Variants in NSMCE3 observed in about 807,000 individuals in gnomAD.
The protein encoded by NSMCE3 is non-structural maintenance of chromosomes element 3 homolog.
For missense variants in NSMCE3, 452 were observed against 399.5 expected (o/e 1.13, Z -1.12); for synonymous variants, 214 against 172.2 (o/e 1.24, Z -1.90).
rs2043546923 is a variant in NSMCE3 at position 29,269,109 on chromosome 15, C to G, written c.597G>C (p.Trp199Cys). ...KGNTIKETEA[W>C]DFLRRLGVYP... ...AGACCCCTAAGCGCCGCAGAAAGTC[C>G]CAGGCTTCAGTTTCCTTGATGGTGT... The change falls in exon 1 of 1, where the codon TGG becomes TGC. Residue 199 changes from tryptophan (W) to cysteine (C), a missense_variant. Physicochemically the swap from Trp to Cys is radical, Grantham distance 215. Coordinates refer to ENST00000332303, the MANE Select transcript of NSMCE3 (RefSeq NM_138704.4). 9.3e-6 allele frequency: 15 copies of G among 1,614,062 alleles called. No homozygotes were observed. The highest frequency in any genetic ancestry group is 1.3e-5 in the Non-Finnish European group (15 of 1,180,008).
Position 29,269,563 on chromosome 15 carries a change from G to T in NSMCE3, c.143C>A (p.Pro48Gln), listed in dbSNP as rs745425573. The change falls in exon 1 of 1, where the codon CCG (proline) becomes CAG (glutamine). Residue 48 changes from proline to glutamine, a missense_variant. Pro to Gln is a moderately conservative substitution (Grantham distance 76). Transcript: ENST00000332303. ...VLRDGFAEEA[P>Q]STSRGPGGSQ... ...GCCGCCCGGCCCGCGGGACGTGCTCGGGGCCTCCTCGGCAAAGCCGTCTCT... is the reference window on the plus strand; with the variant it reads ...GCCGCCCGGCCCGCGGGACGTGCTCTGGGCCTCCTCGGCAAAGCCGTCTCT... The T allele has an allele frequency of 6.6e-7, 1 of 1,526,400 alleles. No homozygotes were observed. Among genetic ancestry groups the T allele is most frequent in the African/African-American group, 1.4e-5 (1 of 69,242 alleles). 94.6% of individuals were successfully genotyped at this position (1,526,400 alleles called of 1,614,324 possible). A position where few individuals can be genotyped will look rare whatever the true frequency, so the allele number is the denominator to read the frequency against.
chr15:29,269,812 C>A lies in NSMCE3; in HGVS notation c.-107G>T. Reference sequence around the variant, plus strand: ...CGGTGCCTGGAGGCGCGCGCAGTGTCGGCTGAGACTGCGTGCTGCGTCATG... The same window carrying A: ...CGGTGCCTGGAGGCGCGCGCAGTGTAGGCTGAGACTGCGTGCTGCGTCATG... On this transcript the variant is annotated 5_prime_UTR_variant, in exon 1 of 1. Transcript: ENST00000332303. 1 of 1,077,168 alleles carries A rather than the reference C, an allele frequency of 9.3e-7. No homozygotes were observed. 66.7% of individuals were successfully genotyped at this position (1,077,168 alleles called of 1,614,324 possible).
In NSMCE3 at chr15:29,265,620, C is replaced by T. The variant is rs1053349766; in HGVS notation, c.*3171G>A. On this transcript the variant is annotated 3_prime_UTR_variant, in exon 1 of 1. Coordinates refer to ENST00000332303, the MANE Select transcript of NSMCE3 (RefSeq NM_138704.4). ...TGCCAATGCACTCCAGCCTGGGCGA[C>T]AAGAGCAAGACTCCGTCTCAAAAAG... 1 of 152,270 alleles carries T rather than the reference C, an allele frequency of 6.6e-6. No homozygotes were observed. Among genetic ancestry groups the T allele is most frequent in the East Asian group, 1.9e-4 (1 of 5,182 alleles). 9.4% of individuals were successfully genotyped at this position (152,270 alleles called of 1,614,324 possible).
Position 29,268,060 on chromosome 15 carries a change from T to A in NSMCE3, c.*731A>T, listed in dbSNP as rs371703416. On this transcript the variant is annotated 3_prime_UTR_variant, in exon 1 of 1. Transcript: ENST00000332303. ...GTGAAACAACTTCTACAAAACAGCATTGACCTTAATATGTAGCAAAAACTT... is the reference window on the plus strand; with the variant it reads ...GTGAAACAACTTCTACAAAACAGCAATGACCTTAATATGTAGCAAAAACTT... 1 of 152,216 alleles carries A rather than the reference T, an allele frequency of 6.6e-6. No homozygotes were observed. Among genetic ancestry groups the A allele is most frequent in the Non-Finnish European group, 1.5e-5 (1 of 68,044 alleles). The allele number at this position is 152,216 out of a possible 1,614,324, so 9.4% of individuals were successfully genotyped here. A position where few individuals can be genotyped will look rare whatever the true frequency, so the allele number is the denominator to read the frequency against.
At position 29,269,757 on chromosome 15, in the gene NSMCE3, G is replaced by T. The variant is rs745893761; in HGVS notation, c.-52C>A. 1.4e-5 allele frequency: 20 copies of T among 1,408,774 alleles called. No individual in the cohort carries two copies. Among genetic ancestry groups the T allele is most frequent in the Non-Finnish European group, 1.6e-5 (17 of 1,084,630 alleles). 87.3% of individuals were successfully genotyped at this position (1,408,774 alleles called of 1,614,324 possible). ...ACTCCGGTAGGCAAGCAGCCGCGGC[G>T]GGGATTGCGGGTCGGCGACCCGCTA... is the stretch of plus-strand genomic sequence containing the variant. On this transcript the variant is annotated 5_prime_UTR_variant, in exon 1 of 1. Coordinates refer to ENST00000332303, the MANE Select transcript of NSMCE3 (RefSeq NM_138704.4).
chr15:29,269,036 T>C lies in NSMCE3; in HGVS notation c.670A>G (p.Thr224Ala). Residue 224 changes from threonine to alanine, a missense_variant, in exon 1 of 1, where the codon ACT becomes GCT. By Grantham distance (58) the Thr-to-Ala change is moderately conservative. Transcript: ENST00000332303. ...TAACGCTGTCGCACAAAGTCCTCAG[T>C]AATGAGTTTCTTTGGATCTCCGAAA... is the stretch of plus-strand genomic sequence containing the variant. ...LIFGDPKKLITEDFVRQRYLE... is the reference protein window; with the variant it reads ...LIFGDPKKLIAEDFVRQRYLE... 6.2e-7 allele frequency: 1 copy of C among 1,614,136 alleles called. No individual in the cohort carries two copies. The highest frequency in any genetic ancestry group is 8.5e-7 in the Non-Finnish European group (1 of 1,180,038).
In NSMCE3 at chr15:29,269,720, G is replaced by A. The variant is rs1193910546; in HGVS notation, c.-15C>T. The A allele has an allele frequency of 1.3e-6, 2 of 1,506,532 alleles. No homozygotes were observed. Among genetic ancestry groups the A allele is most frequent in the South Asian group, 1.3e-5 (1 of 76,546 alleles). 93.3% of individuals were successfully genotyped at this position (1,506,532 alleles called of 1,614,324 possible). ...TTTTGCAACATGTCTCCGGCGGCAG[G>A]TGCCGGCGCACACTCCGGTAGGCAA... On this transcript the variant is annotated 5_prime_UTR_variant, in exon 1 of 1. Transcript: ENST00000332303.
rs2043541977 is a variant in NSMCE3 at position 29,268,946 on chromosome 15, T to A, written c.760A>T (p.Thr254Ser). 3.7e-6 allele frequency: 6 copies of A among 1,614,106 alleles called. No homozygotes were observed. Among genetic ancestry groups the A allele is most frequent in the Non-Finnish European group, 8.5e-7 (1 of 1,180,054 alleles). ...VDYEFQWGPR[T>S]NLETSKMKVL... ...TTCATCTTGCTGGTTTCCAGGTTGG[T>A]TCGCGGGCCCCACTGGAATTCGTAG... is the stretch of plus-strand genomic sequence containing the variant. The change falls in exon 1 of 1, where the codon ACC (threonine) becomes TCC (serine). Residue 254 changes from threonine (T) to serine (S), a missense_variant. Physicochemically the swap from Thr to Ser is moderately conservative, Grantham distance 58. Coordinates refer to ENST00000332303, the MANE Select transcript of NSMCE3 (RefSeq NM_138704.4).
At position 29,269,378 on chromosome 15, in the gene NSMCE3, C is replaced by T. The variant is rs2043556673; in HGVS notation, c.328G>A (p.Asp110Asn). The T allele has an allele frequency of 1.2e-6, 2 of 1,614,192 alleles. No individual in the cohort carries two copies. The change falls in exon 1 of 1, where the codon GAC becomes AAC. Residue 110 changes from aspartate to asparagine, a missense_variant. Physicochemically the swap from Asp to Asn is conservative, Grantham distance 23. Transcript: ENST00000332303. ...DQKKIPIKRA[D>N]ILKHVIGDYK... Reference sequence around the variant, plus strand: ...TCCCCGATGACGTGCTTCAGTATGTCGGCCCGCTTGATCGGAATCTTCTTC... The same window carrying T: ...TCCCCGATGACGTGCTTCAGTATGTTGGCCCGCTTGATCGGAATCTTCTTC...
rs1236209054 is a variant in NSMCE3 at position 29,266,308 on chromosome 15, AGGTGGAGGGATT to A, written c.*2471_*2482del. On this transcript the variant is annotated 3_prime_UTR_variant, in exon 1 of 1. Transcript: ENST00000332303. ...AAGGCCAAGTGTTCACAGGGGGTGA[AGGTGGAGGGATT>A]GGTAAACAAAAACAAAACAAAACTG... 4.6e-5 allele frequency: 7 copies of A among 152,238 alleles called. No homozygotes were observed. The highest frequency in any genetic ancestry group is 1.0e-4 in the Non-Finnish European group (7 of 68,046). The allele number at this position is 152,238 out of a possible 1,614,324, so 9.4% of individuals were successfully genotyped here.
chr15:29,266,206 G>A lies in NSMCE3; in HGVS notation c.*2585C>T, dbSNP rs1371100414. ...GATAGGCAGATACTTAACATTACTA[G>A]TAAGCAACAGGTATAAGTTAATACC... On this transcript the variant is annotated 3_prime_UTR_variant, in exon 1 of 1. Transcript: ENST00000332303. 2 of 152,210 alleles carry A rather than the reference G, an allele frequency of 1.3e-5. No homozygotes were observed. The highest frequency in any genetic ancestry group is 2.9e-5 in the Non-Finnish European group (2 of 68,038). 9.4% of individuals were successfully genotyped at this position (152,210 alleles called of 1,614,324 possible). A position where few individuals can be genotyped will look rare whatever the true frequency, so the allele number is the denominator to read the frequency against.
At position 29,266,689 on chromosome 15, in the gene NSMCE3, A is replaced by G. The variant is rs930461072; in HGVS notation, c.*2102T>C. 1.3e-5 allele frequency: 2 copies of G among 152,192 alleles called. No individual in the cohort carries two copies. Among genetic ancestry groups the G allele is most frequent in the Admixed American group, 6.5e-5 (1 of 15,276 alleles). The allele number at this position is 152,192 out of a possible 1,614,324, so 9.4% of individuals were successfully genotyped here. On this transcript the variant is annotated 3_prime_UTR_variant, in exon 1 of 1. Coordinates refer to ENST00000332303, the MANE Select transcript of NSMCE3 (RefSeq NM_138704.4). Reference sequence around the variant, plus strand: ...TAAATCATGAAAGCCCACAAAATAAAACTCTATATTGGTTATGTATATATA... The same window carrying G: ...TAAATCATGAAAGCCCACAAAATAAGACTCTATATTGGTTATGTATATATA...
At position 29,268,898 on chromosome 15, in the gene NSMCE3, C is replaced by G. The variant is rs779538557; in HGVS notation, c.808G>C (p.Val270Leu). Residue 270 changes from valine to leucine, a missense_variant, in exon 1 of 1, where the codon GTC becomes CTC. By Grantham distance (32) the Val-to-Leu change is conservative (BLOSUM62 1). Coordinates refer to ENST00000332303, the MANE Select transcript of NSMCE3 (RefSeq NM_138704.4). The part of the protein sequence containing the change: ...KMKVLKFVAK[V>L]HNQDPKDWPA... ...CAGTCCTTGGGGTCTTGATTATGGA[C>G]CTTGGCCACAAACTTAAGAACTTTC... 2 of 1,614,162 alleles carry G rather than the reference C, an allele frequency of 1.2e-6. No homozygotes were observed. The highest frequency in any genetic ancestry group is 2.7e-5 in the African/African-American group (2 of 75,022).
chr15:29,269,531 C>G lies in NSMCE3; in HGVS notation c.175G>C (p.Gly59Arg). 1 of 1,527,876 alleles carries G rather than the reference C, an allele frequency of 6.5e-7. No individual in the cohort carries two copies. Among genetic ancestry groups the G allele is most frequent in the Admixed American group, 2.1e-5 (1 of 47,060 alleles). The allele number at this position is 1,527,876 out of a possible 1,614,324, so 94.6% of individuals were successfully genotyped here. ...STSRGPGGSQGSQGPSPQGAR... is the reference protein window; with the variant it reads ...STSRGPGGSQRSQGPSPQGAR... ...CCCTGAGGCGAGGGGCCCTGCGACC[C>G]CTGCGAGCCGCCCGGCCCGCGGGAC... The change falls in exon 1 of 1, where the codon GGG (glycine) becomes CGG (arginine). Residue 59 changes from glycine to arginine, a missense_variant. Coordinates refer to ENST00000332303, the MANE Select transcript of NSMCE3 (RefSeq NM_138704.4).
Position 29,269,559 on chromosome 15 carries a change from G to A in NSMCE3, c.147C>T (p.Ser49=). Residue 49 remains serine (S), a synonymous_variant, in exon 1 of 1, where the codon AGC becomes AGT. Transcript: ENST00000332303. Reference sequence around the variant, plus strand: ...GCGAGCCGCCCGGCCCGCGGGACGTGCTCGGGGCCTCCTCGGCAAAGCCGT... The same window carrying A: ...GCGAGCCGCCCGGCCCGCGGGACGTACTCGGGGCCTCCTCGGCAAAGCCGT... ...LRDGFAEEAP[S]TSRGPGGSQG... is the part of the protein sequence containing the mutation. 6.6e-7 allele frequency: 1 copy of A among 1,523,600 alleles called. No homozygotes were observed. Among genetic ancestry groups the A allele is most frequent in the Non-Finnish European group, 8.8e-7 (1 of 1,139,548 alleles). 94.4% of individuals were successfully genotyped at this position (1,523,600 alleles called of 1,614,324 possible). A position where few individuals can be genotyped will look rare whatever the true frequency, so the allele number is the denominator to read the frequency against.
rs2043558917 is a variant in NSMCE3 at position 29,269,443 on chromosome 15, T to C, written c.263A>G (p.Lys88Arg). The C allele has an allele frequency of 4.3e-6, 7 of 1,613,878 alleles. No homozygotes were observed. Among genetic ancestry groups the C allele is most frequent in the Non-Finnish European group, 5.9e-6 (7 of 1,180,006 alleles). Reference sequence around the variant, plus strand: ...CAAGAACTGCACCAGCTCGGACACTTTCAGCTCCAGCTGCTTCTGGCTCCT... The same window carrying C: ...CAAGAACTGCACCAGCTCGGACACTCTCAGCTCCAGCTGCTTCTGGCTCCT... Reference protein sequence around the residue: ...GPRSQKQLELKVSELVQFLLI... With the variant: ...GPRSQKQLELRVSELVQFLLI... Residue 88 changes from lysine (K) to arginine (R), a missense_variant, in exon 1 of 1, where the codon AAA becomes AGA. By Grantham distance (26) the Lys-to-Arg change is conservative. Transcript: ENST00000332303.
Position 29,269,302 on chromosome 15 carries a change from T to A in NSMCE3, c.404A>T (p.Gln135Leu). The A allele has an allele frequency of 6.2e-7, 1 of 1,614,214 alleles. No individual in the cohort carries two copies. The highest frequency in any genetic ancestry group is 8.5e-7 in the Non-Finnish European group (1 of 1,180,042). ...CACCAGCTTATACCCGAAGACGTAC[T>A]GGAGGCGCTCGGCGGCCCGTTTGAA... is the stretch of plus-strand genomic sequence containing the variant. ...DLFKRAAERL[Q>L]YVFGYKLVEL... The change falls in exon 1 of 1, where the codon CAG becomes CTG. Residue 135 changes from glutamine to leucine, a missense_variant. Coordinates refer to ENST00000332303, the MANE Select transcript of NSMCE3 (RefSeq NM_138704.4).
chr15:29,269,374 A>G lies in NSMCE3; in HGVS notation c.332T>C (p.Ile111Thr). 6.2e-7 allele frequency: 1 copy of G among 1,614,164 alleles called. No homozygotes were observed. Among genetic ancestry groups the G allele is most frequent in the Non-Finnish European group, 8.5e-7 (1 of 1,180,034 alleles). The part of the protein sequence containing the change: ...QKKIPIKRAD[I>T]LKHVIGDYKD... ...GTAGTCCCCGATGACGTGCTTCAGT[A>G]TGTCGGCCCGCTTGATCGGAATCTT... The change falls in exon 1 of 1, where the codon ATA (isoleucine) becomes ACA (threonine). Residue 111 changes from isoleucine (I) to threonine (T), a missense_variant. Coordinates refer to ENST00000332303, the MANE Select transcript of NSMCE3 (RefSeq NM_138704.4).
At position 29,269,654 on chromosome 15, in the gene NSMCE3, C is replaced by T; in HGVS notation, c.52G>A (p.Asp18Asn). ...TTTCCGCTATGGCTCCAGTCTCTGT[C>T]CCTCTCGGCCTGGCCGCCAGAGCGG... ...RGRSGGQAER[D>N]RDWSHSGNPG... Residue 18 changes from aspartate to asparagine, a missense_variant, in exon 1 of 1, where the codon GAC (aspartate) becomes AAC (asparagine). Coordinates refer to ENST00000332303, the MANE Select transcript of NSMCE3 (RefSeq NM_138704.4). 1 of 1,568,474 alleles carries T rather than the reference C, an allele frequency of 6.4e-7. No homozygotes were observed. The highest frequency in any genetic ancestry group is 8.6e-7 in the Non-Finnish European group (1 of 1,162,296).
Sources: gnomAD v4.1 joint callset for allele counts on GRCh38, gnomAD v4.1.1 for gene constraint, MANE v1.5 for transcripts, NCBI Gene and HGNC (gene_info 2026-07-23, HGNC 2026-07-21) for gene names.